KAZN: variants seen among roughly 807,000 people sequenced by gnomAD.
The protein encoded by KAZN is kazrin, periplakin interacting protein, also known as kazrin.
In KAZN, 40 loss-of-function variants were observed where a neutral mutation model predicts 87.4. That is an observed-to-expected ratio of 0.46 (90% confidence interval 0.36 to 0.60). The LOEUF (loss-of-function observed/expected upper bound fraction) is 0.60. KAZN is among the 20% of genes least tolerant of loss of function. The pLI is 0.00. For synonymous variants in KAZN, 466 were observed against 458.3 expected, an observed-to-expected ratio of 1.02 and a Z score of -0.22; for missense variants, 898 against 1,073.9, an observed-to-expected ratio of 0.84 and a Z score of 2.29.
chr1:15,002,081 C>T (rs1046048599), intron 2 of KAZN, among the ~76,000 whole-genome samples: 34 of 151,930 alleles, frequency 2.2e-4, no homozygotes, highest in African/African-American at 7.5e-4. Flanking sequence ...GGGGTTTCAC[C>T]GTGTTAGCCA....
chr1:14,090,590 C>A (rs943786818), intron 1 of KAZN, among the ~76,000 whole-genome samples: 5 of 152,152 alleles, frequency 3.3e-5, no homozygotes, highest in African/African-American at 4.8e-5. Context: ...ACTCTAATTT[C>A]TGAGTCTGTT....
intron 1 of KAZN, among the ~76,000 whole-genome samples, chr1:13,976,936 T>C (rs559024763): frequency 1.3e-5 from 2 of 152,378 alleles, no homozygotes; most frequent in Non-Finnish European, 2.9e-5. Context: ...ATCCTTTTCA[T>C]GAACCACATT....
intron 1 of KAZN, among the ~76,000 whole-genome samples, chr1:13,971,395 C>T (rs771645297): frequency 1.3e-4 from 20 of 152,128 alleles, no homozygotes; most frequent in African/African-American, 2.9e-4. Context: ...TACAGCTCAA[C>T]GGGCATTGAA....
At chr1:14,956,186 G>A (rs926665779) in intron 1 of KAZN, among the ~76,000 whole-genome samples, 22 of 151,888 alleles carry the variant, frequency 1.4e-4, no homozygotes, top group Non-Finnish European at 2.9e-5. Flanking sequence ...ACAAGGCCCC[G>A]GCCAGGCCTG....
chr1:14,360,778 AGCAAAGATT>A (rs1659437163), intron 2 of KAZN, among the ~76,000 whole-genome samples: 2 of 152,204 alleles, frequency 1.3e-5, no homozygotes, highest in Admixed American at 1.3e-4. Context: ...GCTGCAGAAC[AGCAAAGATT>A]GCTGTCTGTT....
At chr1:14,608,471 T>C (rs1677548132) in intron 1 of KAZN, among the ~76,000 whole-genome samples, 2 of 152,202 alleles carry the variant, frequency 1.3e-5, no homozygotes, top group South Asian at 2.1e-4. Context: ...TAATACGTAA[T>C]AAAAACAGGC....
At chr1:14,895,602 A>G (rs1655179155) in intron 1 of KAZN, among the ~76,000 whole-genome samples, 1 of 152,176 alleles carries the variant, frequency 6.6e-6, no homozygotes, top group Non-Finnish European at 1.5e-5. Context: ...CAAGGAACTC[A>G]TCTTCCGGGA....
chr1:14,148,156 G>T (rs898771554), intron 1 of KAZN, among the ~76,000 whole-genome samples: 4 of 152,128 alleles, frequency 2.6e-5, no homozygotes, highest in African/African-American at 9.7e-5. Context: ...CCGTCATCAT[G>T]CCACTGCACT....
intron 2 of KAZN, among the ~76,000 whole-genome samples, chr1:14,248,292 C>T (rs1341804769): frequency 6.6e-6 from 1 of 152,196 alleles, no homozygotes; most frequent in Non-Finnish European, 1.5e-5. Flanking sequence ...CCTTCCTGTC[C>T]AGGCTGGCAT....
At chr1:14,075,363 C>G (rs1018058228) in intron 1 of KAZN, among the ~76,000 whole-genome samples, 1 of 152,144 alleles carries the variant, frequency 6.6e-6, no homozygotes, top group African/African-American at 2.4e-5. Context: ...GGTTGTTTCC[C>G]ATGATTTATT....
chr1:14,488,310 CAGG>C (rs571085630), intron 2 of KAZN, among the ~76,000 whole-genome samples: 47 of 152,134 alleles, frequency 3.1e-4, no homozygotes, highest in Non-Finnish European at 5.9e-4. Context: ...GGAAGAAAGA[CAGG>C]AGGATGCTGA....
At chr1:14,033,962 C>T (rs1321975890) in intron 1 of KAZN, among the ~76,000 whole-genome samples, 1 of 152,218 alleles carries the variant, frequency 6.6e-6, no homozygotes, top group Admixed American at 6.5e-5. Flanking sequence ...CAGACTGGCA[C>T]ATCTTCCAGG....
At chr1:14,456,895 C>G (rs1667595016) in intron 2 of KAZN, among the ~76,000 whole-genome samples, 4 of 152,126 alleles carry the variant, frequency 2.6e-5, no homozygotes, top group Admixed American at 2.6e-4. Context: ...GTCTGGTCAA[C>G]ATGGCAAAAC....
chr1:14,050,226 A>G (rs12756334), intron 1 of KAZN, among the ~76,000 whole-genome samples: 34,009 of 150,324 alleles, frequency 0.23, 4,165 homozygotes, highest in African/African-American at 0.32. Context: ...GCATGTGCAC[A>G]TGTATATGTG....
chr1:14,791,283 G>A (rs913109218), intron 1 of KAZN, among the ~76,000 whole-genome samples: 6 of 152,168 alleles, frequency 3.9e-5, no homozygotes, highest in Non-Finnish European at 8.8e-5. Flanking sequence ...GCCAGCTTGG[G>A]GGCCCAGATA....
chr1:14,255,119 C>CAAAAA (rs71570191), intron 2 of KAZN, among the ~76,000 whole-genome samples: 14 of 83,722 alleles, frequency 1.7e-4, no homozygotes, highest in South Asian at 4.8e-4. Flanking sequence ...GACTCTGTCT[C>CAAAAA]AAAAAAAAAA....
chr1:14,762,045 C>T (rs537165515), intron 1 of KAZN, among the ~76,000 whole-genome samples: 1 of 152,152 alleles, frequency 6.6e-6, no homozygotes, highest in African/African-American at 2.4e-5. Context: ...GCATCTGATG[C>T]TTTTCATAAG....
chr1:14,214,079 A>G (rs937676125), intron 2 of KAZN, among the ~76,000 whole-genome samples: 1 of 152,192 alleles, frequency 6.6e-6, no homozygotes, highest in Non-Finnish European at 1.5e-5. Flanking sequence ...AGACATTGGA[A>G]TAGGAAAATG....
chr1:14,868,553 C>T (rs559096374), intron 1 of KAZN, among the ~76,000 whole-genome samples: 4 of 152,056 alleles, frequency 2.6e-5, no homozygotes, highest in South Asian at 2.1e-4. Flanking sequence ...AATGTCTAAC[C>T]ATTACCACTT....
Sources: gnomAD v4.1 joint callset for allele counts (sites outside exome capture counted in the v4.1 genomes callset) on GRCh38, gnomAD v4.1.1 for gene constraint, MANE v1.5 for transcripts, NCBI Gene and HGNC (gene_info 2026-07-23, HGNC 2026-07-21) for gene names.